The following RPL26L1 variants were observed in gnomAD, a reference collection of about 807,000 sequenced individuals.
The protein encoded by RPL26L1 is ribosomal protein uL24-like.
Under a neutral mutation model 15.2 loss-of-function variants are expected in RPL26L1, and 8 were observed. The observed-to-expected ratio is 0.53, with a 90% confidence interval of 0.31 to 0.95. The LOEUF is 0.95. Among genes scored for constraint, RPL26L1 ranks in the 40% least tolerant of loss-of-function variants. The probability of loss-of-function intolerance (pLI) is 0.05; values close to 1 mark genes in which losing one functional copy is unlikely to be tolerated. For missense variants in RPL26L1, 146 were observed against 190.9 expected, an observed-to-expected ratio of 0.76 and a Z score of 1.39; for synonymous variants, 51 against 65.9, an observed-to-expected ratio of 0.77 and a Z score of 1.09.
upstream of RPL26L1, chr5:172,957,172 TA>T (rs1444739795): frequency 2.9e-5 from 13 of 456,140 alleles, no homozygotes; most frequent in South Asian, 1.2e-4. Flanking sequence ...TCCTCTGTGC[TA>T]GGTGCTTTGA....
At chr5:172,959,027 C>G (rs950380479), upstream of RPL26L1, 1 of 152,730 alleles carries the variant, frequency 6.5e-6, no homozygotes, top group Non-Finnish European at 1.5e-5. Flanking sequence ...TCGAGACCAT[C>G]CTGGCTAACA....
upstream of RPL26L1, among the ~76,000 whole-genome samples, chr5:172,954,105 G>A (rs1764299818): frequency 6.6e-6 from 1 of 152,152 alleles, no homozygotes; most frequent in Non-Finnish European, 1.5e-5. Context: ...TACCAGTTGT[G>A]CTTTTATACT....
upstream of RPL26L1, among the ~76,000 whole-genome samples, chr5:172,956,238 G>A (rs574379858): frequency 6.6e-6 from 1 of 152,276 alleles, no homozygotes; most frequent in East Asian, 1.9e-4. Context: ...TAACATTTTA[G>A]TGATGCCTTT....
At chr5:172,959,689 C>A (rs73329204) in intron 1 of RPL26L1, 176 bp from the exon 2 acceptor site, 17 of 1,081,636 alleles carry the variant, frequency 1.6e-5, no homozygotes, top group Middle Eastern at 3.2e-4. Context: ...CCACACACGC[C>A]TCACTTTATG....
At chr5:172,956,960 A>C, upstream of RPL26L1, 1 of 259,208 alleles carries the variant, frequency 3.9e-6, no homozygotes, top group Non-Finnish European at 7.8e-6. Flanking sequence ...AAATCCTGAC[A>C]CCAAACCAAT....
At chr5:172,954,300 T>C (rs1165902944), upstream of RPL26L1, among the ~76,000 whole-genome samples, 7 of 152,236 alleles carry the variant, frequency 4.6e-5, no homozygotes, top group South Asian at 1.0e-3. Flanking sequence ...CCGGACGCGA[T>C]GGTTCACGCC....
upstream of RPL26L1, chr5:172,958,950 C>G (rs568600027): frequency 6.5e-6 from 1 of 153,388 alleles, no homozygotes; most frequent in Admixed American, 6.5e-5. Context: ...TAGGAGGGCG[C>G]GGCGGCTCAC....
chr5:172,969,248 C>A (rs1461648695), intron 3 of RPL26L1, among the ~76,000 whole-genome samples, 165 bp from the exon 4 acceptor site: 1 of 152,122 alleles, frequency 6.6e-6, no homozygotes, highest in East Asian at 1.9e-4. Context: ...TGCTATTTTT[C>A]CTTTGTGTTC....
upstream of RPL26L1, chr5:172,959,336 A>G: frequency 3.0e-6 from 3 of 1,001,086 alleles, no homozygotes; most frequent in Non-Finnish European, 3.6e-6. Context: ...CTGAGATCCC[A>G]CCCCAAGCCG....
intron 2 of RPL26L1, among the ~76,000 whole-genome samples, chr5:172,965,975 C>T (rs1464621496): frequency 6.6e-6 from 1 of 152,192 alleles, no homozygotes; most frequent in Non-Finnish European, 1.5e-5. Context: ...ATGGCATTGC[C>T]ATCCACCTGG....
chr5:172,954,181 C>T (rs561219724), upstream of RPL26L1, among the ~76,000 whole-genome samples: 2 of 152,134 alleles, frequency 1.3e-5, no homozygotes, highest in Non-Finnish European at 2.9e-5. Context: ...CCTAGTAAAA[C>T]TAAGTTGAAT....
rs968137300 is a variant in RPL26L1, at chr5:172,959,578, C to T, written c.-10+110C>T. ...CCCCACAGCTCTCTTTGAGTGACCT[C>T]CCGACCACCCATTCCTGCCTAACCC... On this transcript the variant is annotated intron_variant, in intron 1 of 3. Coordinates refer to ENST00000265100, the MANE Select transcript of RPL26L1 (RefSeq NM_016093.4). The T allele has an allele frequency of 6.8e-5, 82 of 1,205,572 alleles. 1 individual carries two copies. The African/African-American group carries it at 1.3e-3, about 19-fold the overall frequency. 74.7% of individuals were successfully genotyped at this position (1,205,572 alleles called of 1,614,324 possible).
chr5:172,964,866 T>C (rs960361304), intron 2 of RPL26L1, among the ~76,000 whole-genome samples: 2 of 152,212 alleles, frequency 1.3e-5, no homozygotes, highest in African/African-American at 4.8e-5. Flanking sequence ...CCCTCTTATT[T>C]TCTTTCCCTT....
chr5:172,968,614 T>TG lies in RPL26L1; in HGVS notation c.309+16dup. The TG allele has an allele frequency of 1.2e-6, 2 of 1,613,792 alleles. No homozygotes were observed. The highest frequency in any genetic ancestry group is 2.2e-5 in the South Asian group (2 of 91,068). On this transcript the variant is annotated intron_variant, in intron 3 of 3. Transcript: ENST00000265100. ...ACCCAAGCAAGGTATGGTCAAGGAC[T>TG]GAGTGGCAGTAGCAGCCATGGAGTG...
intron 2 of RPL26L1, among the ~76,000 whole-genome samples, chr5:172,964,689 G>A (rs1040080590): frequency 6.6e-6 from 1 of 152,160 alleles, no homozygotes; most frequent in Non-Finnish European, 1.5e-5. Context: ...GCCCTGATTG[G>A]GTTTGTTAAT....
chr5:172,966,126 A>T (rs1321064144), intron 2 of RPL26L1, among the ~76,000 whole-genome samples: 2 of 151,654 alleles, frequency 1.3e-5, no homozygotes, highest in Non-Finnish European at 2.9e-5. Flanking sequence ...TCTTTTTAAA[A>T]ATTTTTTAAA....
chr5:172,967,377 A>G (rs1485653505), intron 2 of RPL26L1, among the ~76,000 whole-genome samples: 1 of 152,070 alleles, frequency 6.6e-6, no homozygotes, highest in Non-Finnish European at 1.5e-5. Flanking sequence ...AGGCAGGAGA[A>G]TCACTTGAAC....
At chr5:172,969,361 C>G in intron 3 of RPL26L1, 52 bp from the exon 4 acceptor site, 1 of 1,591,470 alleles carries the variant, frequency 6.3e-7, no homozygotes, top group Admixed American at 1.7e-5. Flanking sequence ...CTATATTGCT[C>G]AATAGCTGGT....
intron 2 of RPL26L1, among the ~76,000 whole-genome samples, chr5:172,964,134 C>CATTTATTT (rs374541148): frequency 6.6e-6 from 1 of 151,716 alleles, no homozygotes; most frequent in Non-Finnish European, 1.5e-5. Flanking sequence ...AAATTAGAGA[C>CATTTATTT]ATTTATTTAT....
Sources: allele counts gnomAD v4.1 joint callset (sites outside exome capture counted in the v4.1 genomes callset), GRCh38; gene constraint gnomAD v4.1.1; transcripts MANE v1.5; gene names NCBI Gene and HGNC (gene_info 2026-07-23, HGNC 2026-07-21).